MFSD6: variants seen among roughly 807,000 people sequenced by gnomAD.
MFSD6 encodes the protein major facilitator superfamily domain-containing protein 6.
A neutral mutation model predicts 56.3 loss-of-function variants in MFSD6; 26 were observed. That is an observed-to-expected ratio of 0.46 (90% CI 0.34 to 0.64). The LOEUF (loss-of-function observed/expected upper bound fraction) is 0.64, where lower values mean the gene tolerates loss of function less well. MFSD6 is among the 30% of genes least tolerant of loss of function. The probability of loss-of-function intolerance (pLI) is 0.01; values close to 1 mark genes in which losing one functional copy is unlikely to be tolerated. For missense variants in MFSD6, 750 were observed against 986.2 expected, an observed-to-expected ratio of 0.76 and a Z score of 3.21; for synonymous variants, 331 against 366.9, an observed-to-expected ratio of 0.90 and a Z score of 1.12.
intron 2 of MFSD6, among the ~76,000 whole-genome samples, chr2:190,420,568 C>A (rs1256247194): frequency 6.6e-6 from 1 of 152,172 alleles, no homozygotes; most frequent in Non-Finnish European, 1.5e-5. Flanking sequence ...ACTTTATAAA[C>A]AGATTGTCTC....
intron 3 of MFSD6, among the ~76,000 whole-genome samples, chr2:190,445,854 G>T (rs530040084): frequency 6.7e-6 from 1 of 150,294 alleles, no homozygotes; most frequent in South Asian, 2.1e-4. Context: ...TGGACAAAAA[G>T]AAGGTCATTT....
chr2:190,437,545 T>C lies in MFSD6; in HGVS notation c.1516T>C (p.Leu506=). ...TTTTTTTAGTCACAAGCTTATTGAA[T>C]TGATCGGCCACATCAGGTAAGAACA... ...AYFFSHKLIE[L]IGHIRVLYIG... Residue 506 remains leucine (L), a synonymous_variant, in exon 3 of 8, where the codon TTG becomes CTG. Transcript: ENST00000392328. This position sits in a 1 kb window ranked among gnomAD's most constrained non-coding sequence, Gnocchi z 5.9. 2 of 1,613,472 alleles carry C rather than the reference T, an allele frequency of 1.2e-6. No homozygotes were observed. Among genetic ancestry groups the C allele is most frequent in the Non-Finnish European group, 1.7e-6 (2 of 1,179,466 alleles).
rs113426096 is a variant in MFSD6, at chr2:190,458,975, A to G, written c.1533-10783A>G. Among the ~76,000 whole-genome samples, 676 of 152,320 alleles carry G rather than the reference A, an allele frequency of 4.4e-3. 5 individuals are homozygous for G. Among genetic ancestry groups the G allele is most frequent in the African/African-American group, 0.016 (652 of 41,570 alleles). On this transcript the variant is annotated intron_variant, in intron 3 of 7. Coordinates refer to ENST00000392328, the MANE Select transcript of MFSD6 (RefSeq NM_017694.4). This position sits in a 1 kb window ranked among gnomAD's most constrained non-coding sequence, Gnocchi z 5.3. Reference sequence around the variant, plus strand: ...TTTCTGCTTAGCAGAAGGTAAAACAAGAACATCTGTTGTACTGACTGCTCC... The same window carrying G: ...TTTCTGCTTAGCAGAAGGTAAAACAGGAACATCTGTTGTACTGACTGCTCC...
chr2:190,407,974 G>C (rs916738357), upstream of MFSD6, among the ~76,000 whole-genome samples: 3 of 152,244 alleles, frequency 2.0e-5, no homozygotes, highest in South Asian at 2.1e-4. This position sits in a 1 kb window ranked among gnomAD's most constrained non-coding sequence, Gnocchi z 5.4. Context: ...GGGGGTGCGG[G>C]GGGGTGGAGG....
chr2:190,412,321 A>C lies in MFSD6; in HGVS notation c.-175-2971A>C. On this transcript the variant is annotated intron_variant, in intron 1 of 7. Coordinates refer to ENST00000392328, the MANE Select transcript of MFSD6 (RefSeq NM_017694.4). This position sits in a 1 kb window ranked among gnomAD's most constrained non-coding sequence, Gnocchi z 4.1. ...AGAGGGAATTGTAAAAGTATTTTAC[A>C]GAAGAGATATTCTCACAATTTTAGG... The C allele has an allele frequency of 3.0e-6, 3 of 984,238 alleles. No individual in the cohort carries two copies. The highest frequency in any genetic ancestry group is 3.6e-6 in the Non-Finnish European group (3 of 828,842). The allele number at this position is 984,238 out of a possible 1,614,324, so 61.0% of individuals were successfully genotyped here.
At position 190,438,215 on chromosome 2, in the gene MFSD6, TA is replaced by T. The variant is rs11379456; in HGVS notation, c.1532+665del. Among the ~76,000 whole-genome samples the T allele has an allele frequency of 1.3e-5, 2 of 148,908 alleles. No homozygotes were observed. Among genetic ancestry groups the T allele is most frequent in the Non-Finnish European group, 3.0e-5 (2 of 67,128 alleles). ...ATTTCCCATGTAATTCTTTTAGTTA[TA>T]AAAAAAAAAATCTATAGGCTGGGCA... On this transcript the variant is annotated intron_variant, in intron 3 of 7. Transcript: ENST00000392328. The surrounding 1 kb of genome is among the most constrained non-coding windows in gnomAD (Gnocchi z 5.2).
intron 4 of MFSD6, among the ~76,000 whole-genome samples, chr2:190,479,497 CCTTTT>C (rs1688538197): frequency 6.6e-6 from 1 of 152,034 alleles, no homozygotes; most frequent in African/African-American, 2.4e-5. Context: ...GGAATTTTCT[CCTTTT>C]GTTTTGTACA....
chr2:190,480,090 A>C lies in MFSD6; in HGVS notation c.1631-8567A>C, dbSNP rs184618437. On this transcript the variant is annotated intron_variant, in intron 4 of 7. Transcript: ENST00000392328. ...AGGTGGAAGGATTGCTTGACCCCAA[A>C]AGGTTGAAGCTGCAGTGACCTGTGA... Among the ~76,000 whole-genome samples the C allele has an allele frequency of 2.6e-3, 402 of 152,174 alleles. 1 individual carries two copies. The highest frequency in any genetic ancestry group is 3.8e-3 in the Non-Finnish European group (258 of 68,000).
At position 190,426,438 on chromosome 2, in the gene MFSD6, A is replaced by G. The variant is rs1464084565; in HGVS notation, c.-53-9539A>G. ...TTTCTGTTTTTTTTGTTTTGTTTCA[A>G]GCATGTTTATAATTGCCTATCTAAG... On this transcript the variant is annotated intron_variant, in intron 2 of 7. Coordinates refer to ENST00000392328, the MANE Select transcript of MFSD6 (RefSeq NM_017694.4). The surrounding 1 kb of genome is among the most constrained non-coding windows in gnomAD (Gnocchi z 4.7). Among the ~76,000 whole-genome samples the G allele has an allele frequency of 2.0e-5, 3 of 152,006 alleles. No homozygotes were observed. Among genetic ancestry groups the G allele is most frequent in the Non-Finnish European group, 4.4e-5 (3 of 68,004 alleles).
rs186096073 is a variant in MFSD6 at position 190,431,026 on chromosome 2, G to A, written c.-53-4951G>A. Among the ~76,000 whole-genome samples, 4,407 of 115,996 alleles carry A rather than the reference G, an allele frequency of 0.038. 90 individuals are homozygous for A. The highest frequency in any genetic ancestry group is 0.064 in the Non-Finnish European group (3,109 of 48,370). 76.1% of individuals were successfully genotyped at this position (115,996 alleles called of 152,430 possible). A position where few individuals can be genotyped will look rare whatever the true frequency, so the allele number is the denominator to read the frequency against. On this transcript the variant is annotated intron_variant, in intron 2 of 7. Transcript: ENST00000392328. This position sits in a 1 kb window ranked among gnomAD's most constrained non-coding sequence, Gnocchi z 4.4. ...CAGAGACGCTCCTCACCTCCCAGAC[G>A]GGGTCGCGGCCGGGCAGAGGCGCTC...
chr2:190,461,091 C>T lies in MFSD6; in HGVS notation c.1533-8667C>T, dbSNP rs960549101. ...AGATGGTTTACCCACACCCAATCTC[C>T]CAAGAGTTTCAAAAGAAAGGAATAA... On this transcript the variant is annotated intron_variant, in intron 3 of 7. Transcript: ENST00000392328. The surrounding 1 kb of genome is among the most constrained non-coding windows in gnomAD (Gnocchi z 5.5). Among the ~76,000 whole-genome samples the T allele has an allele frequency of 6.6e-6, 1 of 152,080 alleles. No individual in the cohort carries two copies. Among genetic ancestry groups the T allele is most frequent in the Non-Finnish European group, 1.5e-5 (1 of 68,030 alleles).
intron 6 of MFSD6, among the ~76,000 whole-genome samples, chr2:190,493,804 A>G (rs1427934658): frequency 1.3e-5 from 2 of 152,176 alleles, no homozygotes; most frequent in Non-Finnish European, 2.9e-5. Context: ...TGGAAATTTA[A>G]AATTGAACTG....
Position 190,437,182 on chromosome 2 carries a change from G to A in MFSD6, c.1153G>A (p.Val385Ile), listed in dbSNP as rs769171358. 9.9e-6 allele frequency: 16 copies of A among 1,614,156 alleles called. No homozygotes were observed. The highest frequency in any genetic ancestry group is 1.6e-4 in the Middle Eastern group (1 of 6,062). ...FGVLMTMALI[V>I]ATQFRFRYNH... ...CGTTCTCATGACCATGGCCTTGATC[G>A]TTGCCACTCAGTTCCGGTTCCGCTA... The change falls in exon 3 of 8, where the codon GTT becomes ATT. Residue 385 changes from valine (V) to isoleucine (I), a missense_variant. Physicochemically the swap from Val to Ile is conservative, Grantham distance 29 (BLOSUM62 3). This residue lies in a region of MFSD6 where 376 missense variants were observed against 437.9 expected (regional missense o/e 0.86). Coordinates refer to ENST00000392328, the MANE Select transcript of MFSD6 (RefSeq NM_017694.4). The surrounding 1 kb of genome is among the most constrained non-coding windows in gnomAD (Gnocchi z 5.9).
Position 190,436,855 on chromosome 2 carries a change from A to G in MFSD6, c.826A>G (p.Met276Val). 1 of 1,614,240 alleles carries G rather than the reference A, an allele frequency of 6.2e-7. No homozygotes were observed. The highest frequency in any genetic ancestry group is 1.3e-5 in the African/African-American group (1 of 75,050). The stretch of plus-strand genomic sequence containing the variant: ...CAAATCTTTACCTTCTGACCAAGTC[A>G]TGCTTGTTTATGATCAACAAGAAGT... Reference protein sequence around the residue: ...TTKSLPSDQVMLVYDQQEVEA... With the variant: ...TTKSLPSDQVVLVYDQQEVEA... Residue 276 changes from methionine (M) to valine (V), a missense_variant, in exon 3 of 8, where the codon ATG becomes GTG. Physicochemically the swap from Met to Val is conservative, Grantham distance 21. Around this residue, in one of 5 missense-constraint regions of MFSD6, gnomAD observed 376 missense variants for 437.9 expected, o/e 0.86. Coordinates refer to ENST00000392328, the MANE Select transcript of MFSD6 (RefSeq NM_017694.4). The surrounding 1 kb of genome is among the most constrained non-coding windows in gnomAD (Gnocchi z 5.3).
chr2:190,427,452 C>T (rs1685816197), intron 2 of MFSD6, among the ~76,000 whole-genome samples: 1 of 152,126 alleles, frequency 6.6e-6, no homozygotes. Flanking sequence ...CTAGACTGCC[C>T]CTTTCCTGGT....
At position 190,494,680 on chromosome 2, in the gene MFSD6, C is replaced by A. The variant is rs1689561539; in HGVS notation, c.1892-2759C>A. ...TCAACTGGGTTTCATACCAGGGATGCAGGAATGGTTTAACATATGCAAGCC... is the reference window on the plus strand; with the variant it reads ...TCAACTGGGTTTCATACCAGGGATGAAGGAATGGTTTAACATATGCAAGCC... On this transcript the variant is annotated intron_variant, in intron 6 of 7. Coordinates refer to ENST00000392328, the MANE Select transcript of MFSD6 (RefSeq NM_017694.4). The surrounding 1 kb of genome is among the most constrained non-coding windows in gnomAD (Gnocchi z 5.7). Among the ~76,000 whole-genome samples the A allele has an allele frequency of 6.6e-6, 1 of 152,138 alleles. No homozygotes were observed. The highest frequency in any genetic ancestry group is 6.6e-5 in the Admixed American group (1 of 15,262).
At position 190,488,617 on chromosome 2, in the gene MFSD6, T is replaced by G; in HGVS notation, c.1631-40T>G. On this transcript the variant is annotated intron_variant, in intron 4 of 7. Coordinates refer to ENST00000392328, the MANE Select transcript of MFSD6 (RefSeq NM_017694.4). The surrounding 1 kb of genome is among the most constrained non-coding windows in gnomAD (Gnocchi z 6.4). Reference sequence around the variant, plus strand: ...TTTCAAAACAGAGTAGCCTAAGAAATGCTAACCAACTAATCCCTCCTGCTC... The same window carrying G: ...TTTCAAAACAGAGTAGCCTAAGAAAGGCTAACCAACTAATCCCTCCTGCTC... 2 of 1,408,616 alleles carry G rather than the reference T, an allele frequency of 1.4e-6. No individual in the cohort carries two copies. Among genetic ancestry groups the G allele is most frequent in the Non-Finnish European group, 1.9e-6 (2 of 1,071,296 alleles). 87.3% of individuals were successfully genotyped at this position (1,408,616 alleles called of 1,614,324 possible).
rs1232268169 is a variant in MFSD6 at position 190,491,614 on chromosome 2, G to A, written c.1891+1748G>A. ...CCACATCCCTCAGAAAACAGGGAGA[G>A]TACTACATCAAGGGAACACCCTGTG... On this transcript the variant is annotated intron_variant, in intron 6 of 7. Transcript: ENST00000392328. The surrounding 1 kb of genome is among the most constrained non-coding windows in gnomAD (Gnocchi z 4.2). Among the ~76,000 whole-genome samples the A allele has an allele frequency of 6.6e-6, 1 of 152,230 alleles. No homozygotes were observed. The highest frequency in any genetic ancestry group is 2.4e-5 in the African/African-American group (1 of 41,454).
rs1216952915 is a variant in MFSD6 at position 190,443,312 on chromosome 2, C to CA, written c.1532+5752dup. Among the ~76,000 whole-genome samples, 47 of 152,176 alleles carry CA rather than the reference C, an allele frequency of 3.1e-4. No homozygotes were observed. On this transcript the variant is annotated intron_variant, in intron 3 of 7. Transcript: ENST00000392328. This position sits in a 1 kb window ranked among gnomAD's most constrained non-coding sequence, Gnocchi z 4.2. ...CTTGGACAAGTTACAGAACTTTTTG[C>CA]ATCTCTGTATTGTTATCTATAAATA...
Sources: gnomAD v4.1 joint callset for allele counts (sites outside exome capture counted in the v4.1 genomes callset) on GRCh38, gnomAD v4.1.1 for gene constraint, gnomAD v4.1.1 regional missense constraint, Gnocchi (gnomAD v3.1) non-coding constraint, MANE v1.5 for transcripts, NCBI Gene and HGNC (gene_info 2026-07-23, HGNC 2026-07-21) for gene names.